Variants in CYSLTR1 observed in about 807,000 individuals in gnomAD.
CYSLTR1 encodes the protein cysteinyl leukotriene receptor 1, also known as G-protein coupled receptor HG55.
Under a neutral mutation model 2.1 loss-of-function variants are expected in CYSLTR1, and 1 was observed. The observed-to-expected ratio is 0.48, with a 90% confidence interval of 0.17 to 2.28. CYSLTR1 has a LOEUF of 2.28. CYSLTR1 is among the 30% of genes most tolerant of loss of function. The pLI is 0.26. For synonymous variants in CYSLTR1, 110 were observed against 89.6 expected, an observed-to-expected ratio of 1.23 and a Z score of -1.28; for missense variants, 299 against 250.1, an observed-to-expected ratio of 1.20 and a Z score of -1.32.
At chrX:78,290,112 T>G (rs1188251492) in intron 1 of CYSLTR1, among the ~76,000 whole-genome samples, 2 of 112,305 alleles carry the variant, frequency 1.8e-5, no homozygotes, top group Non-Finnish European at 3.8e-5. Context: ...CATTTAAGTC[T>G]TTAATCCATC....
intron 2 of CYSLTR1, among the ~76,000 whole-genome samples, chrX:78,280,755 GT>G (rs770837541): frequency 9.0e-6 from 1 of 110,844 alleles, no homozygotes; most frequent in Non-Finnish European, 1.9e-5. Flanking sequence ...CCTCAGGTAG[GT>G]CCCAGTGTCT....
chrX:78,303,169 G>A (rs947224356), intron 1 of CYSLTR1, among the ~76,000 whole-genome samples: 1 of 111,662 alleles, frequency 9.0e-6, no homozygotes, highest in African/African-American at 3.3e-5. Context: ...GCCATCAGCT[G>A]AGTTTGATCC....
intron 2 of CYSLTR1, among the ~76,000 whole-genome samples, chrX:78,282,368 C>A (rs1921879080): frequency 8.9e-6 from 1 of 112,205 alleles, no homozygotes; most frequent in African/African-American, 3.2e-5. Flanking sequence ...CAGGGCCTAG[C>A]ACATATGTAT....
chrX:78,277,536 G>T (rs892658480), intron 2 of CYSLTR1, among the ~76,000 whole-genome samples: 1 of 111,641 alleles, frequency 9.0e-6, no homozygotes, highest in African/African-American at 3.3e-5. Context: ...GTTGTTGTCA[G>T]TATACTGGGA....
intron 1 of CYSLTR1, among the ~76,000 whole-genome samples, chrX:78,322,950 C>T (rs1197556749): frequency 1.8e-5 from 2 of 111,721 alleles, no homozygotes. Context: ...GCATTCAGAA[C>T]TAATGACAGT....
intron 1 of CYSLTR1, among the ~76,000 whole-genome samples, chrX:78,293,515 A>C (rs956186582): frequency 1.8e-5 from 2 of 111,240 alleles, no homozygotes; most frequent in African/African-American, 6.6e-5. Context: ...CTGAATTTGA[A>C]TGTTGGCCTG....
At chrX:78,320,424 T>A (rs1379367948) in intron 1 of CYSLTR1, 1 of 111,518 alleles carries the variant, frequency 9.0e-6, no homozygotes, top group East Asian at 2.8e-4. Context: ...TAGTTGTAGA[T>A]ATGTGGCATT....
In CYSLTR1 at chrX:78,322,676, T is replaced by C. The variant is rs188193852; in HGVS notation, c.-115+4629A>G. ...AGCCCTATCATTACAATAAGTAGCT[T>C]TCTTACTTCATATTTCCAGGGATGT... On this transcript the variant is annotated intron_variant, in intron 1 of 2. Transcript: ENST00000373304. Among the ~76,000 whole-genome samples the C allele has an allele frequency of 2.7e-5, 3 of 112,146 alleles. No homozygotes were observed. The East Asian group carries it at 8.4e-4, about 31-fold the overall frequency.
intron 1 of CYSLTR1, among the ~76,000 whole-genome samples, chrX:78,306,814 A>G (rs940599903): frequency 5.4e-5 from 6 of 111,811 alleles, no homozygotes; most frequent in Non-Finnish European, 1.1e-4. Context: ...AATGTGTAGT[A>G]TTGTAGAATC....
Position 78,302,594 on chromosome X carries a change from G to C in CYSLTR1, c.-114-19054C>G, listed in dbSNP as rs181092553. Among the ~76,000 whole-genome samples the C allele has an allele frequency of 7.2e-5, 8 of 111,081 alleles. No individual in the cohort carries two copies. The East Asian group carries it at 2.0e-3, about 28-fold the overall frequency. Reference sequence around the variant, plus strand: ...CTTGACATAGTAGCTGTGTATTACTGCTGGTTATTCAGGACCTAAGAGGTC... The same window carrying C: ...CTTGACATAGTAGCTGTGTATTACTCCTGGTTATTCAGGACCTAAGAGGTC... On this transcript the variant is annotated intron_variant, in intron 1 of 2. Coordinates refer to ENST00000373304, the MANE Select transcript of CYSLTR1 (RefSeq NM_006639.4).
chrX:78,322,860 T>C (rs781004587), intron 1 of CYSLTR1, among the ~76,000 whole-genome samples: 41 of 111,447 alleles, frequency 3.7e-4, no homozygotes, highest in African/African-American at 1.3e-3. Context: ...GTCAAACCCA[T>C]CAATTCAGGC....
intron 1 of CYSLTR1, among the ~76,000 whole-genome samples, chrX:78,305,166 C>A (rs979663795): frequency 8.9e-6 from 1 of 112,055 alleles, no homozygotes; most frequent in Non-Finnish European, 1.9e-5. Flanking sequence ...TAATGTGGAC[C>A]ATTTTGGTTC....
chrX:78,284,117 T>C, intron 1 of CYSLTR1, among the ~76,000 whole-genome samples: 1 of 112,317 alleles, frequency 8.9e-6, no homozygotes, highest in African/African-American at 3.2e-5. Context: ...GGAGATTAAC[T>C]GTTTGTAGTT....
chrX:78,273,828 T>C (rs1428141642), intron 2 of CYSLTR1, 55 bp from the exon 3 acceptor site: 55 of 993,937 alleles, frequency 5.5e-5, no homozygotes, highest in Non-Finnish European at 7.1e-5. Context: ...TTACAGGAAG[T>C]ACTAATGTTT....
At position 78,316,741 on chromosome X, in the gene CYSLTR1, C is replaced by T. The variant is rs191657757; in HGVS notation, c.-115+10564G>A. Among the ~76,000 whole-genome samples, 164 of 112,040 alleles carry T rather than the reference C, an allele frequency of 1.5e-3. 1 individual carries two copies. Among genetic ancestry groups the T allele is most frequent in the African/African-American group, 5.2e-3 (161 of 30,831 alleles). On this transcript the variant is annotated intron_variant, in intron 1 of 2. Coordinates refer to ENST00000373304, the MANE Select transcript of CYSLTR1 (RefSeq NM_006639.4). ...AACAAAAACATAAACTGGGAAAGGA[C>T]ATCCTATTCAGAAAATGTTGCTGAA...
intron 1 of CYSLTR1, among the ~76,000 whole-genome samples, chrX:78,322,255 A>G (rs986820711): frequency 1.8e-5 from 2 of 112,057 alleles, no homozygotes; most frequent in African/African-American, 6.5e-5. Context: ...GAGGTTAGGG[A>G]CAATGCTGTA....
In CYSLTR1 at chrX:78,273,423, A is replaced by G. The variant is rs141360376; in HGVS notation, c.324T>C (p.Tyr108=). ...LSTYALYVNL[Y]CSIFFMTAMS... ...TGGCTGTCATAAAGAAGATGCTACA[A>G]TAGAGGTTGACATACAAAGCATAGG... The change falls in exon 3 of 3, where the codon TAT becomes TAC. Residue 108 remains tyrosine, a synonymous_variant. Coordinates refer to ENST00000373304, the MANE Select transcript of CYSLTR1 (RefSeq NM_006639.4). 3.0e-4 allele frequency: 358 copies of G among 1,209,863 alleles called. No individual in the cohort carries two copies. In the African/African-American group the frequency reaches 5.5e-3, roughly 19 times the overall value.
At chrX:78,295,287 C>T (rs912918694) in intron 1 of CYSLTR1, among the ~76,000 whole-genome samples, 4 of 110,152 alleles carry the variant, frequency 3.6e-5, no homozygotes, top group Non-Finnish European at 5.7e-5. Context: ...GTTGATGGAC[C>T]TTTAGGTTGT....
intron 2 of CYSLTR1, among the ~76,000 whole-genome samples, chrX:78,275,336 C>G (rs1921533579): frequency 8.9e-6 from 1 of 111,804 alleles, no homozygotes; most frequent in African/African-American, 3.3e-5. Flanking sequence ...AACCAAATGT[C>G]CAACAATGAT....
Sources: gnomAD v4.1 joint callset for allele counts (sites outside exome capture counted in the v4.1 genomes callset) on GRCh38, gnomAD v4.1.1 for gene constraint, MANE v1.5 for transcripts, NCBI Gene and HGNC (gene_info 2026-07-23, HGNC 2026-07-21) for gene names.